The following CAB39L variants were observed in gnomAD, a reference collection of about 807,000 sequenced individuals.
CAB39L encodes calcium-binding protein 39-like.
In CAB39L, 23 loss-of-function variants were observed where a neutral mutation model predicts 39.1. The ratio of observed to expected loss-of-function variants is 0.59; its 90% confidence interval spans 0.42 to 0.83. CAB39L has a LOEUF of 0.83. Among genes scored for constraint, CAB39L ranks in the 40% least tolerant of loss-of-function variants. The pLI is 0.00. For missense variants in CAB39L, 366 were observed against 391.9 expected, an observed-to-expected ratio of 0.93 and a Z score of 0.56; for synonymous variants, 126 against 137.2, an observed-to-expected ratio of 0.92 and a Z score of 0.57.
intron 7 of CAB39L, among the ~76,000 whole-genome samples, chr13:49,347,483 T>TA (rs1222675091): frequency 6.6e-6 from 1 of 152,190 alleles, no homozygotes; most frequent in Non-Finnish European, 1.5e-5. Flanking sequence ...TACTTTTTTT[T>TA]AAAAAATGAA....
Position 49,350,630 on chromosome 13 carries a change from G to A in CAB39L, c.564+114C>T. 3.0e-6 allele frequency: 2 copies of A among 655,936 alleles called. 1 individual carries two copies. Among genetic ancestry groups the A allele is most frequent in the South Asian group, 4.9e-5 (2 of 40,450 alleles). The allele number at this position is 655,936 out of a possible 1,614,324, so 40.6% of individuals were successfully genotyped here. Reference sequence around the variant, plus strand: ...CCTCTTATGATCCACATCATACATGGTTGGCTACACTGAGGCCTAAGAAGT... The same window carrying A: ...CCTCTTATGATCCACATCATACATGATTGGCTACACTGAGGCCTAAGAAGT... On this transcript the variant is annotated intron_variant, in intron 7 of 10. Transcript: ENST00000409308.
chr13:49,408,452 G>A (rs1956926462), intron 3 of CAB39L, among the ~76,000 whole-genome samples: 2 of 152,110 alleles, frequency 1.3e-5, no homozygotes, highest in South Asian at 4.1e-4. Context: ...TATATCTGGG[G>A]GTCATCCATC....
intron 3 of CAB39L, among the ~76,000 whole-genome samples, chr13:49,424,525 A>C (rs1957216694): frequency 6.6e-6 from 1 of 152,198 alleles, no homozygotes; most frequent in African/African-American, 2.4e-5. Context: ...TTAGGTAAAA[A>C]CCAAGACAAT....
chr13:49,329,562 T>A (rs1221258546), intron 10 of CAB39L, among the ~76,000 whole-genome samples: 2,891 of 24,822 alleles, frequency 0.12, 334 homozygotes, highest in African/African-American at 0.28. Flanking sequence ...TATATATATA[T>A]ATATATATAT....
intron 3 of CAB39L, among the ~76,000 whole-genome samples, chr13:49,420,861 T>C (rs1957160444): frequency 6.6e-6 from 1 of 152,152 alleles, no homozygotes; most frequent in Non-Finnish European, 1.5e-5. Flanking sequence ...GAAAAAAAAT[T>C]ATTACATTTA....
intron 3 of CAB39L, among the ~76,000 whole-genome samples, chr13:49,398,874 C>G (rs1566117549): frequency 6.6e-6 from 1 of 151,946 alleles, no homozygotes; most frequent in South Asian, 2.1e-4. Context: ...TTAGAATGTC[C>G]CATGTACTCA....
chr13:49,325,564 G>A (rs1384122770), intron 10 of CAB39L, among the ~76,000 whole-genome samples: 3 of 152,128 alleles, frequency 2.0e-5, no homozygotes, highest in African/African-American at 4.8e-5. Flanking sequence ...TGAGACGGGC[G>A]GATCACCTGA....
At chr13:49,367,267 C>T (rs960066776) in intron 5 of CAB39L, among the ~76,000 whole-genome samples, 4 of 152,148 alleles carry the variant, frequency 2.6e-5, no homozygotes, top group African/African-American at 9.7e-5. Context: ...ACATAAAAGA[C>T]GTTCAACATT....
At chr13:49,378,419 C>T (rs1423788576) in intron 4 of CAB39L, among the ~76,000 whole-genome samples, 1 of 63,554 alleles carries the variant, frequency 1.6e-5, no homozygotes, top group Admixed American at 1.2e-4. Flanking sequence ...GTGGGGGGGT[C>T]AGCCCCCCGC....
At chr13:49,334,169 C>T (rs1263585773) in intron 9 of CAB39L, among the ~76,000 whole-genome samples, 1 of 152,188 alleles carries the variant, frequency 6.6e-6, no homozygotes, top group Non-Finnish European at 1.5e-5. Flanking sequence ...TTTCAGCTGA[C>T]CTACTACCAC....
chr13:49,342,341 T>C (rs187111863), intron 8 of CAB39L, among the ~76,000 whole-genome samples: 8 of 152,308 alleles, frequency 5.3e-5, no homozygotes, highest in African/African-American at 1.7e-4. Context: ...AATTTAATAC[T>C]AAAGATTTCA....
intron 10 of CAB39L, among the ~76,000 whole-genome samples, chr13:49,330,323 T>C (rs1236775197): frequency 2.0e-5 from 3 of 152,208 alleles, no homozygotes; most frequent in African/African-American, 7.2e-5. Context: ...CTGCCTCTTG[T>C]TAACTGGACT....
intron 3 of CAB39L, among the ~76,000 whole-genome samples, chr13:49,422,915 A>G (rs1957191206): frequency 6.6e-6 from 1 of 152,198 alleles, no homozygotes; most frequent in Non-Finnish European, 1.5e-5. Context: ...GACTCACCAA[A>G]ATAATTTATG....
intron 3 of CAB39L, among the ~76,000 whole-genome samples, chr13:49,427,063 T>C (rs566688216): frequency 6.6e-6 from 1 of 152,312 alleles, no homozygotes; most frequent in East Asian, 1.9e-4. Flanking sequence ...TGTCACTCTT[T>C]AGGCACAAAC....
intron 3 of CAB39L, among the ~76,000 whole-genome samples, chr13:49,392,513 T>C (rs1594046224): frequency 6.6e-6 from 1 of 151,944 alleles, no homozygotes; most frequent in East Asian, 1.9e-4. Context: ...TGGTGGTGCA[T>C]GCCAGCAATC....
At chr13:49,408,477 C>T (rs1012879600) in intron 3 of CAB39L, among the ~76,000 whole-genome samples, 6 of 152,036 alleles carry the variant, frequency 3.9e-5, no homozygotes, top group African/African-American at 9.7e-5. Flanking sequence ...CACTGCAGTA[C>T]GAGAGAGACC....
chr13:49,337,358 C>T (rs937683438), intron 9 of CAB39L, among the ~76,000 whole-genome samples: 3 of 152,210 alleles, frequency 2.0e-5, no homozygotes, highest in African/African-American at 7.2e-5. Flanking sequence ...GTTTTATCAT[C>T]TGCTGAAAAC....
chr13:49,425,637 C>T (rs1277620646), intron 3 of CAB39L, among the ~76,000 whole-genome samples: 3 of 152,146 alleles, frequency 2.0e-5, no homozygotes, highest in South Asian at 2.1e-4. Flanking sequence ...TTGCCAACCC[C>T]TGGGCTAAAG....
intron 3 of CAB39L, among the ~76,000 whole-genome samples, chr13:49,411,590 C>T (rs1956991636): frequency 6.6e-6 from 1 of 152,026 alleles, no homozygotes; most frequent in Admixed American, 6.6e-5. Flanking sequence ...ATACACACTG[C>T]ATTATAATTT....
Sources: gnomAD v4.1 joint callset for allele counts (sites outside exome capture counted in the v4.1 genomes callset) on GRCh38, gnomAD v4.1.1 for gene constraint, MANE v1.5 for transcripts, NCBI Gene and HGNC (gene_info 2026-07-23, HGNC 2026-07-21) for gene names.